Variants in LINGO2 observed in about 807,000 individuals in gnomAD.
LINGO2 encodes leucine-rich repeat and immunoglobulin-like domain-containing nogo receptor-interacting protein 2.
In LINGO2, 14 loss-of-function variants were observed where a neutral mutation model predicts 30.6. That is an observed-to-expected ratio of 0.46 (90% CI 0.30 to 0.72). The LOEUF (loss-of-function observed/expected upper bound fraction) is 0.72, where lower values mean the gene tolerates loss of function less well. Among genes scored for constraint, LINGO2 ranks in the 30% least tolerant of loss-of-function variants. The probability of loss-of-function intolerance (pLI) is 0.07; values close to 1 mark genes in which losing one functional copy is unlikely to be tolerated. For missense variants in LINGO2, 729 were observed against 751.7 expected (o/e 0.97, Z 0.35); for synonymous variants, 317 against 288.5 (o/e 1.10, Z -1.00).
At chr9:29,042,635 C>T in the LINGO2 span, among the ~76,000 whole-genome samples, 3 of 151,800 alleles carry the variant, frequency 2.0e-5, no homozygotes, top group Non-Finnish European at 2.9e-5. Context: ...ACCTTTAAAA[C>T]GTGTTTTAAT....
the LINGO2 span, among the ~76,000 whole-genome samples, chr9:28,819,275 C>A: frequency 1.3e-5 from 2 of 152,124 alleles, no homozygotes; most frequent in East Asian, 3.9e-4. Flanking sequence ...TCATCCAATT[C>A]TTTTCAGTCT....
intron 4 of LINGO2, among the ~76,000 whole-genome samples, chr9:28,188,008 T>C (rs2133748755): frequency 6.6e-6 from 1 of 152,322 alleles, no homozygotes; most frequent in South Asian, 2.1e-4. Flanking sequence ...GTCTCAGCTA[T>C]CCAAGCTTGT....
intron 4 of LINGO2, among the ~76,000 whole-genome samples, chr9:28,033,775 C>T (rs914782607): frequency 1.6e-4 from 24 of 152,116 alleles, no homozygotes; most frequent in African/African-American, 5.3e-4. Context: ...CTGCTAAATT[C>T]GTTAGGAAGA....
At chr9:29,044,259 C>T in the LINGO2 span, among the ~76,000 whole-genome samples, 1 of 151,806 alleles carries the variant, frequency 6.6e-6, no homozygotes, top group East Asian at 1.9e-4. Context: ...ATGAATGGAG[C>T]AAATAGAAGT....
the LINGO2 span, among the ~76,000 whole-genome samples, chr9:28,789,810 C>A: frequency 6.6e-6 from 1 of 152,136 alleles, no homozygotes; most frequent in Non-Finnish European, 1.5e-5. Context: ...TGGACCATGG[C>A]ATATGTAATT....
intron 4 of LINGO2, among the ~76,000 whole-genome samples, chr9:28,276,072 A>C (rs1345152110): frequency 6.6e-6 from 1 of 152,176 alleles, no homozygotes; most frequent in East Asian, 1.9e-4. Flanking sequence ...GATGAAAGAT[A>C]AAATATGCAA....
At chr9:27,994,726 G>A (rs2119066708) in intron 5 of LINGO2, among the ~76,000 whole-genome samples, 2 of 152,230 alleles carry the variant, frequency 1.3e-5, no homozygotes, top group South Asian at 4.1e-4. Context: ...CCAATTAATA[G>A]TAACTGATGG....
intron 4 of LINGO2, among the ~76,000 whole-genome samples, chr9:28,054,000 C>T (rs1018530584): frequency 3.3e-5 from 5 of 151,690 alleles, no homozygotes; most frequent in Non-Finnish European, 7.4e-5. Context: ...TACCAGTTGT[C>T]GAGGGCCTGT....
chr9:28,178,739 A>G (rs551506824), intron 4 of LINGO2, among the ~76,000 whole-genome samples: 1 of 152,296 alleles, frequency 6.6e-6, no homozygotes, highest in African/African-American at 2.4e-5. Context: ...TGGTGATTAC[A>G]ACATAATTGA....
intron 1 of LINGO2, among the ~76,000 whole-genome samples, chr9:28,578,872 G>C (rs1824121909): frequency 6.6e-6 from 1 of 152,058 alleles, no homozygotes; most frequent in Non-Finnish European, 1.5e-5. Context: ...GCCTGTTCTT[G>C]AAAGTTAGTA....
chr9:28,810,627 A>T, the LINGO2 span, among the ~76,000 whole-genome samples: 1 of 152,304 alleles, frequency 6.6e-6, no homozygotes, highest in African/African-American at 2.4e-5. Flanking sequence ...GAATAAAAAA[A>T]GATTAAGAGA....
At position 28,002,903 on chromosome 9, in the gene LINGO2, G is replaced by A. The variant is rs60089274; in HGVS notation, c.-36+9452C>T. 7.2e-5 allele frequency among the ~76,000 whole-genome samples: 11 copies of A among 152,248 alleles called. No homozygotes were observed. In the South Asian group the frequency reaches 8.3e-4, roughly 11 times the overall value. ...TGTGTTCTAATCCCAGTGTGAGTGC[G>A]TGTCAGTGTATGTGTGAGTGTGCCC... is the stretch of plus-strand genomic sequence containing the variant. On this transcript the variant is annotated intron_variant, in intron 5 of 5. Transcript: ENST00000379992.
the LINGO2 span, among the ~76,000 whole-genome samples, chr9:28,849,837 C>T: frequency 4.5e-3 from 688 of 152,116 alleles, 5 homozygotes; most frequent in Non-Finnish European, 6.9e-3. Flanking sequence ...GTTAAGCTGG[C>T]CTTTTATGTT....
the LINGO2 span, among the ~76,000 whole-genome samples, chr9:28,746,712 C>T: frequency 1.4e-3 from 218 of 151,870 alleles, 1 homozygote; most frequent in Non-Finnish European, 2.3e-3. Flanking sequence ...ATAAATAAAA[C>T]ACTCTGCATA....
At chr9:29,093,915 T>G in the LINGO2 span, among the ~76,000 whole-genome samples, 2 of 138,524 alleles carry the variant, frequency 1.4e-5, no homozygotes. Flanking sequence ...ATAAGCAACA[T>G]TTTTGCAAGT....
At chr9:29,126,920 C>G in the LINGO2 span, among the ~76,000 whole-genome samples, 1 of 152,070 alleles carries the variant, frequency 6.6e-6, no homozygotes, top group Non-Finnish European at 1.5e-5. Context: ...TGCCCCCACC[C>G]TTTTCTGTGT....
At chr9:28,421,791 C>T (rs144115390) in intron 2 of LINGO2, among the ~76,000 whole-genome samples, 39 of 152,192 alleles carry the variant, frequency 2.6e-4, no homozygotes, top group African/African-American at 9.1e-4. Flanking sequence ...ATAATCATGA[C>T]AGTGTGGTCC....
intron 1 of LINGO2, among the ~76,000 whole-genome samples, chr9:28,527,145 T>C (rs1211157356): frequency 6.6e-6 from 1 of 152,160 alleles, no homozygotes; most frequent in Non-Finnish European, 1.5e-5. Flanking sequence ...GATTATGTAG[T>C]ATAATCTTCT....
intron 1 of LINGO2, among the ~76,000 whole-genome samples, chr9:28,517,653 C>G (rs1234486708): frequency 1.3e-5 from 2 of 152,110 alleles, no homozygotes; most frequent in African/African-American, 4.8e-5. Context: ...TGAGGAGGTA[C>G]AAATTAATCA....
Sources: gnomAD v4.1 joint callset for allele counts (sites outside exome capture counted in the v4.1 genomes callset) on GRCh38, gnomAD v4.1.1 for gene constraint, MANE v1.5 for transcripts, NCBI Gene and HGNC (gene_info 2026-07-23, HGNC 2026-07-21) for gene names.